Variants in PHYKPL observed in about 807,000 individuals in gnomAD.
PHYKPL encodes 5-phosphonooxy-L-lysine phospho-lyase.
PHYKPL carries 42 observed loss-of-function variants against 51.3 expected under a neutral mutation model. The ratio of observed to expected loss-of-function variants is 0.82; its 90% confidence interval spans 0.64 to 1.06. PHYKPL has a LOEUF of 1.06. Among genes scored for constraint, PHYKPL ranks in the 50% least tolerant of loss-of-function variants. The probability of loss-of-function intolerance (pLI) is 0.00; values close to 1 mark genes in which losing one functional copy is unlikely to be tolerated. For synonymous variants in PHYKPL, 264 were observed against 236.0 expected (o/e 1.12, Z -1.09); for missense variants, 655 against 586.6 (o/e 1.12, Z -1.20).
At chr5:178,217,559 A>G (rs970850293) in intron 8 of PHYKPL, among the ~76,000 whole-genome samples, 17 of 141,740 alleles carry the variant, frequency 1.2e-4, no homozygotes, top group Non-Finnish European at 2.3e-4. Context: ...AGAATCAGTG[A>G]AAAAAAAAAA....
At position 178,232,509 on chromosome 5, in the gene PHYKPL, C is replaced by T; in HGVS notation, c.42G>A (p.Leu14=). ...DQRPKADTLA[L]RQRLISSSCR... is the part of the protein sequence containing the mutation. ...CCGGGTACCTGATGAGCCGTTGCCT[C>T]AGGGCCAGCGTGTCGGCCTTCGGGC... is the stretch of plus-strand genomic sequence containing the variant. Residue 14 remains leucine, a synonymous_variant, in exon 1 of 13, where the codon CTG becomes CTA. Transcript: ENST00000308158. 1 of 1,346,984 alleles carries T rather than the reference C, an allele frequency of 7.4e-7. No homozygotes were observed. Among genetic ancestry groups the T allele is most frequent in the African/African-American group, 1.5e-5 (1 of 65,324 alleles). 83.4% of individuals were successfully genotyped at this position (1,346,984 alleles called of 1,614,324 possible).
At chr5:178,213,441 C>T (rs1420366165) in intron 10 of PHYKPL, among the ~76,000 whole-genome samples, 1 of 152,260 alleles carries the variant, frequency 6.6e-6, no homozygotes, top group East Asian at 1.9e-4. Flanking sequence ...GTGTGGTTTA[C>T]GTGATGTATA....
intron 4 of PHYKPL, 149 bp from the exon 5 acceptor site, chr5:178,224,878 A>T (rs1413093123): frequency 8.0e-6 from 5 of 624,328 alleles, no homozygotes; most frequent in African/African-American, 1.8e-5. Context: ...GAAAGAGCAC[A>T]AGCTTTGGAG....
intron 6 of PHYKPL, chr5:178,223,807 T>C: frequency 3.7e-6 from 1 of 268,410 alleles, no homozygotes; most frequent in South Asian, 3.4e-5. Flanking sequence ...CACACCTCTC[T>C]CTCCTATGTC....
intron 7 of PHYKPL, 39 bp from the exon 8 acceptor site, chr5:178,222,619 G>T (rs1359327207): frequency 6.2e-7 from 1 of 1,602,182 alleles, no homozygotes; most frequent in Non-Finnish European, 8.5e-7. Context: ...GGCTGTGGTT[G>T]AGAGGGATAA....
At chr5:178,232,446 T>C in intron 1 of PHYKPL, 46 bp downstream of exon 1, 2 of 1,379,522 alleles carry the variant, frequency 1.4e-6, no homozygotes, top group Non-Finnish European at 9.3e-7. Flanking sequence ...CGCGTGCCTC[T>C]CCGCGCAGCC....
chr5:178,216,564 G>A (rs1759836898), intron 8 of PHYKPL: 1 of 152,204 alleles, frequency 6.6e-6, no homozygotes, highest in South Asian at 2.1e-4. Context: ...GGGGAGGGAG[G>A]AGAATATGAT....
intron 10 of PHYKPL, 84 bp downstream of exon 10, chr5:178,214,712 T>G: frequency 1.6e-6 from 2 of 1,267,022 alleles, no homozygotes; most frequent in Non-Finnish European, 2.3e-6. Context: ...GGGGTACAGA[T>G]GAGGCTCCTT....
intron 8 of PHYKPL, among the ~76,000 whole-genome samples, chr5:178,220,892 A>G (rs1475002671): frequency 6.6e-6 from 1 of 152,192 alleles, no homozygotes; most frequent in Non-Finnish European, 1.5e-5. Flanking sequence ...AGAAAAAAAA[A>G]TCCCCAGAGT....
intron 1 of PHYKPL, chr5:178,231,728 T>C (rs1315843351): frequency 2.6e-6 from 4 of 1,531,656 alleles, no homozygotes; most frequent in East Asian, 2.6e-5. Context: ...AACAAGTCGC[T>C]GAAACTTCGG....
chr5:178,210,511 A>T, intron 12 of PHYKPL: 1 of 1,593,032 alleles, frequency 6.3e-7, no homozygotes, highest in Non-Finnish European at 8.6e-7. Flanking sequence ...CACAGGGCAA[A>T]TGCTTGTAAA....
intron 8 of PHYKPL, among the ~76,000 whole-genome samples, chr5:178,218,134 A>T (rs6861369): frequency 1.1e-5 from 1 of 89,558 alleles, no homozygotes; most frequent in African/African-American, 5.3e-5. Context: ...GGAGAATGGC[A>T]TGAACCCGGG....
At chr5:178,213,500 C>T (rs1759093761) in intron 10 of PHYKPL, among the ~76,000 whole-genome samples, 1 of 151,260 alleles carries the variant, frequency 6.6e-6, no homozygotes, top group Non-Finnish European at 1.5e-5. Context: ...GTGTAATGAG[C>T]TCCACGTGCC....
At chr5:178,212,000 C>G (rs766139517) in intron 11 of PHYKPL, 30 bp from the exon 12 acceptor site, 9 of 1,613,572 alleles carry the variant, frequency 5.6e-6, no homozygotes, top group Non-Finnish European at 7.6e-6. Flanking sequence ...AATGCCGACT[C>G]AGTCACCTTT....
intron 12 of PHYKPL, chr5:178,209,413 G>A: frequency 1.2e-6 from 2 of 1,613,960 alleles, no homozygotes; most frequent in Non-Finnish European, 1.7e-6. Context: ...GCAACCGAGG[G>A]AACCGAGGCA....
Position 178,212,956 on chromosome 5 carries a change from T to C in PHYKPL, c.1303+17A>G. ...CTGAGTTCTAGAGATATGGCCAAGC[T>C]CAGGCTTCAAGCTCACCAGTCAGAA... On this transcript the variant is annotated intron_variant, in intron 11 of 12. Coordinates refer to ENST00000308158, the MANE Select transcript of PHYKPL (RefSeq NM_153373.4). 1 of 1,613,508 alleles carries C rather than the reference T, an allele frequency of 6.2e-7. No homozygotes were observed.
In PHYKPL at chr5:178,215,269, G is replaced by A. The variant is rs367708202; in HGVS notation, c.1082+7C>T. 6.8e-5 allele frequency: 109 copies of A among 1,613,828 alleles called. No homozygotes were observed. The highest frequency in any genetic ancestry group is 8.6e-5 in the Non-Finnish European group (101 of 1,179,970). On this transcript the variant is annotated splice_region_variant and intron_variant, in intron 9 of 12. Transcript: ENST00000308158. ...GTGGGTGGTGACTGCTGCCCCCAGAGCCTCACCTGACATCCCCGACGATGG... is the reference window on the plus strand; with the variant it reads ...GTGGGTGGTGACTGCTGCCCCCAGAACCTCACCTGACATCCCCGACGATGG...
intron 12 of PHYKPL, chr5:178,210,427 TAATAACATGAGGAAGGCAG>T: frequency 6.6e-7 from 1 of 1,520,458 alleles, no homozygotes; most frequent in Non-Finnish European, 9.0e-7. Flanking sequence ...TTCGGGGTCT[TAATAACATGAGGAAGGCAG>T]TCTCTGCTGT....
At chr5:178,219,005 A>G (rs971989845) in intron 8 of PHYKPL, among the ~76,000 whole-genome samples, 4 of 152,334 alleles carry the variant, frequency 2.6e-5, no homozygotes, top group African/African-American at 9.6e-5. Flanking sequence ...TATGACATGC[A>G]CAAAGGATGT....
Sources: gnomAD v4.1 joint callset for allele counts (sites outside exome capture counted in the v4.1 genomes callset) on GRCh38, gnomAD v4.1.1 for gene constraint, MANE v1.5 for transcripts, NCBI Gene and HGNC (gene_info 2026-07-23, HGNC 2026-07-21) for gene names.